Variants in ZZZ3 observed in about 807,000 individuals in gnomAD.
The protein encoded by ZZZ3 is ZZ-type zinc finger-containing protein 3.
ZZZ3 carries 22 observed loss-of-function variants against 95.2 expected under a neutral mutation model. That is an observed-to-expected ratio of 0.23 (90% confidence interval 0.17 to 0.33). The LOEUF (loss-of-function observed/expected upper bound fraction) is 0.33, where lower values mean the gene tolerates loss of function less well. Ranked by LOEUF, ZZZ3 falls within the 10% of genes least tolerant of loss-of-function variation. The pLI is 1.00. For missense variants in ZZZ3, 885 were observed against 1,066.5 expected, an observed-to-expected ratio of 0.83 and a Z score of 2.37; for synonymous variants, 335 against 358.9, an observed-to-expected ratio of 0.93 and a Z score of 0.75.
At chr1:77,586,450 A>G (rs1663087435) in intron 5 of ZZZ3, among the ~76,000 whole-genome samples, 1 of 152,244 alleles carries the variant, frequency 6.6e-6, no homozygotes, top group African/African-American at 2.4e-5. Context: ...CAAGCTTGAA[A>G]AAGGTGCTAC....
At chr1:77,592,695 A>T (rs183816269) in intron 5 of ZZZ3, among the ~76,000 whole-genome samples, 1 of 152,342 alleles carries the variant, frequency 6.6e-6, no homozygotes, top group Admixed American at 6.5e-5. Flanking sequence ...AGGTATAGGA[A>T]ACTACAAAAA....
At chr1:77,657,749 T>C (rs906204945) in intron 1 of ZZZ3, among the ~76,000 whole-genome samples, 62 of 152,186 alleles carry the variant, frequency 4.1e-4, no homozygotes, top group African/African-American at 1.4e-3. Context: ...CAATAAATAA[T>C]TGTTAAATTA....
intron 5 of ZZZ3, among the ~76,000 whole-genome samples, chr1:77,591,561 C>A (rs548868250): frequency 6.6e-6 from 1 of 152,280 alleles, no homozygotes; most frequent in South Asian, 2.1e-4. Context: ...TCAGGTTGGT[C>A]TTGAACTCCT....
intron 5 of ZZZ3, among the ~76,000 whole-genome samples, chr1:77,609,260 T>A (rs1367824094): frequency 1.3e-5 from 2 of 152,116 alleles, no homozygotes; most frequent in Admixed American, 6.5e-5. Flanking sequence ...ACAAAATAGA[T>A]TTTAAGACAA....
At chr1:77,615,310 C>T (rs1477443910) in intron 5 of ZZZ3, among the ~76,000 whole-genome samples, 1 of 152,170 alleles carries the variant, frequency 6.6e-6, no homozygotes, top group African/African-American at 2.4e-5. Flanking sequence ...GAAAAAGACA[C>T]ACAGAGGGGA....
intron 1 of ZZZ3, among the ~76,000 whole-genome samples, chr1:77,658,337 G>A (rs757954388): frequency 7.2e-5 from 11 of 151,866 alleles, no homozygotes; most frequent in Non-Finnish European, 1.0e-4. Context: ...GGGCTAAATT[G>A]TCTGGGATTT....
chr1:77,641,627 T>A lies in ZZZ3; in HGVS notation c.-374A>T, dbSNP rs1339692321. 1.0e-5 allele frequency: 4 copies of A among 398,066 alleles called. No individual in the cohort carries two copies. The highest frequency in any genetic ancestry group is 1.8e-5 in the Non-Finnish European group (4 of 225,802). 24.7% of individuals were successfully genotyped at this position (398,066 alleles called of 1,614,324 possible). A position where few individuals can be genotyped will look rare whatever the true frequency, so the allele number is the denominator to read the frequency against. On this transcript the variant is annotated 5_prime_UTR_variant, in exon 2 of 15. Coordinates refer to ENST00000370801, the MANE Select transcript of ZZZ3 (RefSeq NM_015534.6). ...ACTGAGACTTCAGGTATTATTTATT[T>A]ATATGGTTGTACTAGAATAACTTGA...
At chr1:77,652,638 T>C (rs1669911005) in intron 1 of ZZZ3, among the ~76,000 whole-genome samples, 1 of 152,094 alleles carries the variant, frequency 6.6e-6, no homozygotes, top group Admixed American at 6.5e-5. Context: ...CACAAAAACA[T>C]GTACAAAAAT....
chr1:77,634,690 G>A (rs1668138214), intron 4 of ZZZ3, among the ~76,000 whole-genome samples: 1 of 152,158 alleles, frequency 6.6e-6, no homozygotes, highest in Non-Finnish European at 1.5e-5. Flanking sequence ...AGGTATTCTG[G>A]TGTGGATGCT....
chr1:77,616,012 C>T (rs562010198), intron 5 of ZZZ3, among the ~76,000 whole-genome samples: 12 of 152,240 alleles, frequency 7.9e-5, no homozygotes, highest in Non-Finnish European at 1.2e-4. Flanking sequence ...ACATGGAACA[C>T]ACTGTGTATA....
At chr1:77,623,978 ATACAT>A (rs141018873) in intron 5 of ZZZ3, among the ~76,000 whole-genome samples, 159 of 152,350 alleles carry the variant, frequency 1.0e-3, no homozygotes, top group African/African-American at 3.6e-3. Context: ...ATTTATTACT[ATACAT>A]TACAATATCT....
At position 77,669,850 on chromosome 1, in the gene ZZZ3, T is replaced by TA. The variant is rs749211182; in HGVS notation, c.-403+12734dup. Among the ~76,000 whole-genome samples the TA allele has an allele frequency of 4.0e-3, 602 of 148,724 alleles. 1 individual carries two copies. Among genetic ancestry groups the TA allele is most frequent in the Non-Finnish European group, 5.9e-3 (398 of 67,026 alleles). ...AACTTCTAAAATGCACCAGCTGATT[T>TA]AAAAAAAAAAGAAAAGAAAACTGTA... On this transcript the variant is annotated intron_variant, in intron 1 of 14. Transcript: ENST00000370801.
intron 5 of ZZZ3, among the ~76,000 whole-genome samples, chr1:77,628,919 G>T (rs974457807): frequency 2.6e-5 from 4 of 152,186 alleles, no homozygotes; most frequent in Non-Finnish European, 5.9e-5. Flanking sequence ...GGAGAATAAG[G>T]AAGAGAAGTA....
intron 4 of ZZZ3, among the ~76,000 whole-genome samples, chr1:77,633,879 T>C (rs1253976421): frequency 6.6e-6 from 1 of 152,160 alleles, no homozygotes; most frequent in African/African-American, 2.4e-5. Context: ...GTCATTAAAA[T>C]AATAATCTTC....
chr1:77,655,870 A>G (rs1396177454), intron 1 of ZZZ3, among the ~76,000 whole-genome samples: 1 of 152,254 alleles, frequency 6.6e-6, no homozygotes, highest in Non-Finnish European at 1.5e-5. Context: ...TCTTAGGTCC[A>G]AACCAGCTTG....
intron 5 of ZZZ3, among the ~76,000 whole-genome samples, chr1:77,597,830 A>C (rs1664357645): frequency 6.6e-6 from 1 of 152,114 alleles, no homozygotes; most frequent in Non-Finnish European, 1.5e-5. Context: ...GAACACAAAA[A>C]GGACATTAGG....
chr1:77,623,614 C>A (rs1041865284), intron 5 of ZZZ3, among the ~76,000 whole-genome samples: 3 of 152,102 alleles, frequency 2.0e-5, no homozygotes, highest in Admixed American at 1.3e-4. Flanking sequence ...CCAAGTTTAT[C>A]CCCAAATTAA....
intron 5 of ZZZ3, among the ~76,000 whole-genome samples, chr1:77,607,083 A>G (rs1243667721): frequency 1.3e-5 from 2 of 152,204 alleles, no homozygotes; most frequent in Non-Finnish European, 2.9e-5. Context: ...TTCTCATGCT[A>G]CTAATAAAGA....
chr1:77,565,848 A>C, intron 14 of ZZZ3, 64 bp from the exon 15 acceptor site: 1 of 1,471,254 alleles, frequency 6.8e-7, no homozygotes, highest in East Asian at 2.3e-5. Flanking sequence ...TGTGTATTAC[A>C]AAGCTTCCTC....
Sources: allele counts gnomAD v4.1 joint callset (sites outside exome capture counted in the v4.1 genomes callset), GRCh38; gene constraint gnomAD v4.1.1; transcripts MANE v1.5; gene names NCBI Gene and HGNC (gene_info 2026-07-23, HGNC 2026-07-21).